The following CAST variants were observed in gnomAD, a reference collection of about 807,000 sequenced individuals.
CAST encodes the protein calpastatin.
A neutral mutation model predicts 119.6 loss-of-function variants in CAST; 76 were observed. The ratio of observed to expected loss-of-function variants is 0.64; its 90% confidence interval spans 0.53 to 0.77. The LOEUF is 0.77. CAST is among the 30% of genes least tolerant of loss of function. The probability of loss-of-function intolerance (pLI) is 0.00; values close to 1 mark genes in which losing one functional copy is unlikely to be tolerated. For missense variants in CAST, 953 were observed against 946.5 expected (o/e 1.01, Z -0.09); for synonymous variants, 319 against 331.6 (o/e 0.96, Z 0.41).
chr5:96,175,043 T>C, the CAST span, among the ~76,000 whole-genome samples: 1 of 152,220 alleles, frequency 6.6e-6, no homozygotes, highest in African/African-American at 2.4e-5. Context: ...CTTCAGATTT[T>C]TTAAACTAAT....
chr5:96,189,526 C>A, the CAST span, among the ~76,000 whole-genome samples: 1 of 152,118 alleles, frequency 6.6e-6, no homozygotes, highest in Non-Finnish European at 1.5e-5. Flanking sequence ...CTTATGTCTT[C>A]CTTCAGCTTT....
intron 4 of CAST, among the ~76,000 whole-genome samples, chr5:96,723,632 T>A (rs746312018): frequency 1.4e-4 from 22 of 152,214 alleles, no homozygotes; most frequent in Non-Finnish European, 2.6e-4. Flanking sequence ...CACTTTGTTC[T>A]GAAGAGCTGG....
intron 1 of CAST, among the ~76,000 whole-genome samples, chr5:96,590,940 C>G (rs1746951711): frequency 6.6e-6 from 1 of 152,182 alleles, no homozygotes; most frequent in Non-Finnish European, 1.5e-5. Flanking sequence ...CACAGTTAAA[C>G]CTTTAGCAAT....
chr5:96,181,863 A>T, the CAST span, among the ~76,000 whole-genome samples: 1 of 152,244 alleles, frequency 6.6e-6, no homozygotes, highest in Non-Finnish European at 1.5e-5. Context: ...TTATTATAAC[A>T]TCAATTTTGT....
At chr5:96,212,068 C>T in the CAST span, among the ~76,000 whole-genome samples, 4 of 151,900 alleles carry the variant, frequency 2.6e-5, no homozygotes, top group Non-Finnish European at 2.9e-5. Flanking sequence ...TTGATCTTCT[C>T]AAAGGGTGAG....
In CAST at chr5:96,696,357, C is replaced by G. The variant is rs188695538; in HGVS notation, c.210+450C>G. 3.2e-3 allele frequency: 485 copies of G among 152,458 alleles called. 3 individuals are homozygous for G. Among genetic ancestry groups the G allele is most frequent in the Non-Finnish European group, 4.9e-3 (331 of 68,202 alleles). 9.4% of individuals were successfully genotyped at this position (152,458 alleles called of 1,614,324 possible). A position where few individuals can be genotyped will look rare whatever the true frequency, so the allele number is the denominator to read the frequency against. On this transcript the variant is annotated intron_variant, in intron 3 of 31. Transcript: ENST00000675179. ...CTTTATACCTGAGGAAACCAGAGCT[C>G]AAGGAGGTTAAGTAACCTTGACAAG...
the CAST span, among the ~76,000 whole-genome samples, chr5:96,173,591 T>C: frequency 3.3e-5 from 5 of 152,212 alleles, no homozygotes; most frequent in African/African-American, 1.2e-4. Flanking sequence ...AAAGGATTGG[T>C]AACTATTTGG....
the CAST span, among the ~76,000 whole-genome samples, chr5:96,463,994 A>T: frequency 3.5e-4 from 53 of 152,214 alleles, no homozygotes; most frequent in African/African-American, 1.3e-3. Context: ...TTGGAGGAGG[A>T]TGAAGAAGCA....
chr5:96,168,676 G>A, the CAST span, among the ~76,000 whole-genome samples: 1 of 152,142 alleles, frequency 6.6e-6, no homozygotes. Context: ...AGGAAAGAAG[G>A]AAATATGGGG....
chr5:96,287,603 T>C, the CAST span, among the ~76,000 whole-genome samples: 3 of 152,112 alleles, frequency 2.0e-5, no homozygotes, highest in Admixed American at 6.6e-5. Flanking sequence ...TCTATTTGCA[T>C]TTGTCCTCTG....
the CAST span, among the ~76,000 whole-genome samples, chr5:96,045,904 G>GTATA: frequency 5.3e-5 from 8 of 152,230 alleles, no homozygotes; most frequent in Non-Finnish European, 1.0e-4. Flanking sequence ...ATAAATCACA[G>GTATA]TATGGAGACA....
At chr5:96,280,121 TA>T in the CAST span, among the ~76,000 whole-genome samples, 1 of 152,210 alleles carries the variant, frequency 6.6e-6, no homozygotes, top group Non-Finnish European at 1.5e-5. Flanking sequence ...GGTAAATTAT[TA>T]AAATAATCAG....
At chr5:96,324,764 T>C in the CAST span, among the ~76,000 whole-genome samples, 9 of 152,326 alleles carry the variant, frequency 5.9e-5, no homozygotes, top group East Asian at 1.7e-3. Flanking sequence ...ACTCATTTTT[T>C]TTTTCTTCAT....
At chr5:96,479,831 A>G in the CAST span, among the ~76,000 whole-genome samples, 6 of 152,098 alleles carry the variant, frequency 3.9e-5, no homozygotes, top group Non-Finnish European at 8.8e-5. Flanking sequence ...AGTAAATTAT[A>G]GGAAGAAAAA....
the CAST span, among the ~76,000 whole-genome samples, chr5:96,306,559 C>T: frequency 6.6e-6 from 1 of 152,108 alleles, no homozygotes; most frequent in Admixed American, 6.6e-5. Flanking sequence ...GATTTTAGAT[C>T]TTTCCTGCTT....
At chr5:96,225,124 CAAATT>C in the CAST span, among the ~76,000 whole-genome samples, 5,674 of 152,292 alleles carry the variant, frequency 0.037, 144 homozygotes, top group Non-Finnish European at 0.058. Context: ...TATGTGGAAT[CAAATT>C]AAAATAACAC....
chr5:96,396,099 CT>C, the CAST span, among the ~76,000 whole-genome samples: 3 of 151,952 alleles, frequency 2.0e-5, no homozygotes, highest in South Asian at 4.2e-4. Flanking sequence ...TAAGAACATT[CT>C]TTTTTTGCTC....
At chr5:96,108,601 T>G in the CAST span, among the ~76,000 whole-genome samples, 860 of 151,274 alleles carry the variant, frequency 5.7e-3, 13 homozygotes, top group African/African-American at 0.02. Context: ...CCAGCTGCAT[T>G]CTGGGAGAAC....
chr5:96,745,193 C>T (rs1013535158), intron 16 of CAST, among the ~76,000 whole-genome samples: 3 of 152,066 alleles, frequency 2.0e-5, no homozygotes, highest in East Asian at 1.9e-4. Flanking sequence ...CTCCAGATGC[C>T]GAAATAGAGC....
Sources: gnomAD v4.1 joint callset for allele counts (sites outside exome capture counted in the v4.1 genomes callset) on GRCh38, gnomAD v4.1.1 for gene constraint, MANE v1.5 for transcripts, NCBI Gene and HGNC (gene_info 2026-07-23, HGNC 2026-07-21) for gene names.